Variants in MYO9A observed in about 807,000 individuals in gnomAD.
MYO9A encodes unconventional myosin-IXa.
MYO9A carries 103 observed loss-of-function variants against 293.3 expected under a neutral mutation model. The ratio of observed to expected loss-of-function variants is 0.35; its 90% CI spans 0.30 to 0.41. The LOEUF is 0.41. Among genes scored for constraint, MYO9A ranks in the 10% least tolerant of loss-of-function variants. The pLI, the probability that MYO9A is intolerant of heterozygous loss-of-function variation, is 1.00. For synonymous variants in MYO9A, 1,001 were observed against 1,035.7 expected, an observed-to-expected ratio of 0.97 and a Z score of 0.64; for missense variants, 2,685 against 3,033.0, an observed-to-expected ratio of 0.89 and a Z score of 2.69.
At chr15:72,110,966 T>C (rs1313353355) in intron 1 of MYO9A, among the ~76,000 whole-genome samples, 1 of 151,706 alleles carries the variant, frequency 6.6e-6, no homozygotes, top group East Asian at 2.0e-4. Flanking sequence ...GAGACCATCC[T>C]GACTAACATG....
intron 18 of MYO9A, among the ~76,000 whole-genome samples, chr15:71,931,486 T>C (rs1205495463): frequency 6.6e-6 from 1 of 152,192 alleles, no homozygotes; most frequent in African/African-American, 2.4e-5. Context: ...CCCTTGTATT[T>C]AACATGTTGC....
chr15:72,077,625 G>C (rs2079395302), intron 1 of MYO9A, among the ~76,000 whole-genome samples: 1 of 151,284 alleles, frequency 6.6e-6, no homozygotes, highest in Non-Finnish European at 1.5e-5. Flanking sequence ...CGGGGTGACG[G>C]CAGGGTGGTG....
chr15:71,897,264 TC>T, intron 25 of MYO9A, 196 bp downstream of exon 25: 3 of 591,064 alleles, frequency 5.1e-6, no homozygotes, highest in Non-Finnish European at 8.8e-6. Context: ...CTATTCATGA[TC>T]AGTCAAGGAT....
At chr15:72,071,989 G>A (rs1277619592) in intron 1 of MYO9A, among the ~76,000 whole-genome samples, 2 of 144,840 alleles carry the variant, frequency 1.4e-5, no homozygotes, top group African/African-American at 5.1e-5. Flanking sequence ...AGGATCACTT[G>A]AGCTCAGGAG....
At chr15:72,025,449 C>T (rs2077635821) in intron 4 of MYO9A, among the ~76,000 whole-genome samples, 1 of 152,210 alleles carries the variant, frequency 6.6e-6, no homozygotes, top group Non-Finnish European at 1.5e-5. Context: ...CAACCTCCAC[C>T]TTCCAGGTTC....
chr15:71,833,219 A>C (rs1252603586), intron 39 of MYO9A, among the ~76,000 whole-genome samples: 3 of 151,994 alleles, frequency 2.0e-5, no homozygotes, highest in African/African-American at 4.8e-5. Context: ...CATATAAAAA[A>C]AAAGAAAACC....
chr15:71,961,439 T>C (rs193254819), intron 13 of MYO9A, among the ~76,000 whole-genome samples: 9 of 152,302 alleles, frequency 5.9e-5, no homozygotes, highest in Non-Finnish European at 8.8e-5. Flanking sequence ...AGGATAATAA[T>C]AGTAGGTAAC....
Position 71,883,682 on chromosome 15 carries a change from C to G in MYO9A, c.5310G>C (p.Lys1770Asn), listed in dbSNP as rs538540645. The G allele has an allele frequency of 1.9e-6, 3 of 1,613,438 alleles. No individual in the cohort carries two copies. The highest frequency in any genetic ancestry group is 2.5e-6 in the Non-Finnish European group (3 of 1,179,620). The part of the protein sequence containing the change: ...FWAKGKQGEK[K>N]TTRVKPTTQS... Reference sequence around the variant, plus strand: ...GGGTAGTAGGTTTCACTCTGGTAGTCTTCTTCTCCCCTTGTTTCCCTTTGG... The same window carrying G: ...GGGTAGTAGGTTTCACTCTGGTAGTGTTCTTCTCCCCTTGTTTCCCTTTGG... Residue 1770 changes from lysine to asparagine, a missense_variant, in exon 28 of 42, where the codon AAG (lysine) becomes AAC (asparagine). Lys to Asn is a moderately conservative substitution (Grantham distance 94). This residue lies in a region of MYO9A where 1,434 missense variants were observed against 1,497.7 expected (regional missense o/e 0.96). Coordinates refer to ENST00000356056, the MANE Select transcript of MYO9A (RefSeq NM_006901.4).
In MYO9A at chr15:71,825,952, A is replaced by C. The variant is rs1044119533; in HGVS notation, c.*628T>G. The C allele has an allele frequency of 6.6e-6, 1 of 150,994 alleles. No individual in the cohort carries two copies. The highest frequency in any genetic ancestry group is 6.6e-5 in the Admixed American group (1 of 15,158). 9.4% of individuals were successfully genotyped at this position (150,994 alleles called of 1,614,324 possible). A position where few individuals can be genotyped will look rare whatever the true frequency, so the allele number is the denominator to read the frequency against. On this transcript the variant is annotated 3_prime_UTR_variant, in exon 42 of 42. Coordinates refer to ENST00000356056, the MANE Select transcript of MYO9A (RefSeq NM_006901.4). ...TTCACTGTATAACAAGATATCTGAG[A>C]CACGCTCTGATGGCTTAATGGAAAC...
At chr15:72,031,500 T>C (rs2077869247) in intron 3 of MYO9A, among the ~76,000 whole-genome samples, 1 of 151,918 alleles carries the variant, frequency 6.6e-6, no homozygotes, top group Admixed American at 6.6e-5. Context: ...AAATAAATAA[T>C]AAATAATAAA....
chr15:71,897,500 G>A lies in MYO9A; in HGVS notation c.5003C>T (p.Pro1668Leu). 1.2e-6 allele frequency: 2 copies of A among 1,613,630 alleles called. No individual in the cohort carries two copies. The highest frequency in any genetic ancestry group is 1.7e-5 in the Admixed American group (1 of 59,982). Residue 1668 changes from proline (P) to leucine (L), a missense_variant, in exon 25 of 42, where the codon CCC becomes CTC. Coordinates refer to ENST00000356056, the MANE Select transcript of MYO9A (RefSeq NM_006901.4). ...ATTGTCCTTTGGAGTGAAGAAAATGGGCCTAGCATTTCCCTCTCTGGAAAG... is the reference window on the plus strand; with the variant it reads ...ATTGTCCTTTGGAGTGAAGAAAATGAGCCTAGCATTTCCCTCTCTGGAAAG... ...DDLSREGNAR[P>L]IFFTPKDNMS... is the part of the protein sequence containing the mutation.
chr15:71,993,089 G>A (rs1222724697), intron 10 of MYO9A, among the ~76,000 whole-genome samples: 1 of 152,090 alleles, frequency 6.6e-6, no homozygotes, highest in African/African-American at 2.4e-5. Flanking sequence ...GGTGGCTCAC[G>A]CCTGTAATCC....
chr15:71,886,194 T>TA lies in MYO9A; in HGVS notation c.5255+1809dup, dbSNP rs34921688. ...TATGTGATTATTATTTAAAGTAGGG[T>TA]AAAAAAAAAAAAAAAAAAAAGAAAG... On this transcript the variant is annotated intron_variant, in intron 27 of 41. Coordinates refer to ENST00000356056, the MANE Select transcript of MYO9A (RefSeq NM_006901.4). 2.8e-3 allele frequency among the ~76,000 whole-genome samples: 354 copies of TA among 127,172 alleles called. 1 individual carries two copies. Among genetic ancestry groups the TA allele is most frequent in the African/African-American group, 8.2e-3 (272 of 33,156 alleles). 83.4% of individuals were successfully genotyped at this position (127,172 alleles called of 152,430 possible).
At chr15:72,025,392 G>A (rs147831080) in intron 4 of MYO9A, among the ~76,000 whole-genome samples, 1,935 of 152,054 alleles carry the variant, frequency 0.013, 27 homozygotes, top group African/African-American at 0.02. Context: ...ATGGAGTTTC[G>A]CACTGTCACC....
intron 1 of MYO9A, among the ~76,000 whole-genome samples, chr15:72,071,102 G>C (rs747567281): frequency 6.6e-6 from 1 of 152,120 alleles, no homozygotes; most frequent in Non-Finnish European, 1.5e-5. Flanking sequence ...AATATCCACA[G>C]AGTAAACAGA....
Position 71,852,180 on chromosome 15 carries a change from T to C in MYO9A, c.6427A>G (p.Asn2143Asp). 2 of 1,613,896 alleles carry C rather than the reference T, an allele frequency of 1.2e-6. No homozygotes were observed. The highest frequency in any genetic ancestry group is 1.7e-6 in the Non-Finnish European group (2 of 1,179,872). The change falls in exon 36 of 42, where the codon AAT (asparagine) becomes GAT (aspartate). Residue 2143 changes from asparagine to aspartate, a missense_variant. This residue lies in a region of MYO9A where 238 missense variants were observed against 269.1 expected (regional missense o/e 0.88). Coordinates refer to ENST00000356056, the MANE Select transcript of MYO9A (RefSeq NM_006901.4). ...TAGAGTTCAAAGGTCATGAGAGGAT[T>C]GGGCAAATCTCGAAGCCATTGTTTG... ...VFKQWLRDLP[N>D]PLMTFELYEE...
chr15:72,084,864 T>C (rs1596537647), intron 1 of MYO9A, among the ~76,000 whole-genome samples: 1 of 152,174 alleles, frequency 6.6e-6, no homozygotes, highest in South Asian at 2.1e-4. Context: ...GTAGTTCTCA[T>C]GAATGAGATC....
chr15:71,989,705 A>AAC (rs903453520), intron 11 of MYO9A, among the ~76,000 whole-genome samples: 14 of 152,168 alleles, frequency 9.2e-5, no homozygotes, highest in African/African-American at 2.6e-4. Flanking sequence ...AACAAAACAA[A>AAC]ACACACACAC....
intron 1 of MYO9A, among the ~76,000 whole-genome samples, chr15:72,050,069 G>C (rs1311434584): frequency 6.6e-6 from 1 of 152,080 alleles, no homozygotes; most frequent in Non-Finnish European, 1.5e-5. Context: ...TCCTGAAACA[G>C]AAGTGTTTAC....
Sources: allele counts gnomAD v4.1 joint callset (sites outside exome capture counted in the v4.1 genomes callset), GRCh38; gene constraint gnomAD v4.1.1; regional missense constraint gnomAD v4.1.1; transcripts MANE v1.5; gene names NCBI Gene and HGNC (gene_info 2026-07-23, HGNC 2026-07-21).